COL15A1: variants seen among roughly 807,000 people sequenced by gnomAD.
COL15A1 encodes the protein collagen alpha-1(XV) chain.
In COL15A1, 111 loss-of-function variants were observed where a neutral mutation model predicts 165.9. That is an observed-to-expected ratio of 0.67 (90% CI 0.57 to 0.78). The LOEUF is 0.78. COL15A1 is among the 30% of genes least tolerant of loss of function. The probability of loss-of-function intolerance (pLI) is 0.00; values close to 1 mark genes in which losing one functional copy is unlikely to be tolerated. For missense variants in COL15A1, 1,745 were observed against 1,789.7 expected, an observed-to-expected ratio of 0.98 and a Z score of 0.45; for synonymous variants, 659 against 674.8, an observed-to-expected ratio of 0.98 and a Z score of 0.36.
At chr9:99,056,119 G>A (rs1825716272) in intron 34 of COL15A1, 141 bp from the exon 35 acceptor site, 1 of 918,244 alleles carries the variant, frequency 1.1e-6, no homozygotes, top group African/African-American at 1.6e-5. Flanking sequence ...ACCCCACCTT[G>A]AATTGTGCCC....
intron 9 of COL15A1, among the ~76,000 whole-genome samples, chr9:99,007,648 G>T (rs921073296): frequency 6.6e-6 from 1 of 152,148 alleles, no homozygotes; most frequent in Non-Finnish European, 1.5e-5. Context: ...ATTGATATAG[G>T]TCATATTACT....
At position 99,050,030 on chromosome 9, in the gene COL15A1, C is replaced by T. The variant is rs1839560293; in HGVS notation, c.2904+135C>T. 7.5e-6 allele frequency: 9 copies of T among 1,200,434 alleles called. 1 individual carries two copies. In the East Asian group the frequency reaches 2.1e-4, roughly 29 times the overall value. 74.4% of individuals were successfully genotyped at this position (1,200,434 alleles called of 1,614,324 possible). A position where few individuals can be genotyped will look rare whatever the true frequency, so the allele number is the denominator to read the frequency against. ...TGTCTTCTGTCCCCTAAGTGTAGAC[C>T]CTCAAGTGACTAGAAGCTTTTAGAT... On this transcript the variant is annotated intron_variant, in intron 30 of 41. Coordinates refer to ENST00000375001, the MANE Select transcript of COL15A1 (RefSeq NM_001855.5).
At chr9:99,020,214 G>T (rs926597721) in intron 11 of COL15A1, among the ~76,000 whole-genome samples, 175 bp from the exon 12 acceptor site, 23 of 152,310 alleles carry the variant, frequency 1.5e-4, no homozygotes, top group African/African-American at 4.8e-4. Context: ...CGGTGCAGGG[G>T]ATGGTGCAGT....
chr9:99,015,691 G>A, intron 10 of COL15A1, 125 bp downstream of exon 10: 2 of 921,030 alleles, frequency 2.2e-6, no homozygotes, highest in Admixed American at 2.2e-5. Flanking sequence ...GTCTGGGTGG[G>A]CAGCTGCTGG....
chr9:98,944,387 C>A, intron 2 of COL15A1, 137 bp downstream of exon 2: 1 of 876,168 alleles, frequency 1.1e-6, no homozygotes. Context: ...TGCGCACTGG[C>A]GGTCCCGCGG....
intron 2 of COL15A1, among the ~76,000 whole-genome samples, chr9:98,974,778 T>C (rs1320902898): frequency 6.6e-6 from 1 of 152,012 alleles, no homozygotes; most frequent in Non-Finnish European, 1.5e-5. Flanking sequence ...CTTGCAGGAG[T>C]CACCGTGGCC....
Position 99,066,935 on chromosome 9 carries a change from T to G in COL15A1, c.3705T>G (p.Phe1235Leu). 1.2e-6 allele frequency: 2 copies of G among 1,614,134 alleles called. No homozygotes were observed. The highest frequency in any genetic ancestry group is 2.2e-5 in the East Asian group (1 of 44,878). The part of the protein sequence containing the change: ...MPFSGDIRAD[F>L]QCFKQARAAG... ...TTTCTGGGGACATTCGAGCTGATTTTCAGTGCTTCAAGCAGGCCAGAGCTG... is the reference window on the plus strand; with the variant it reads ...TTTCTGGGGACATTCGAGCTGATTTGCAGTGCTTCAAGCAGGCCAGAGCTG... The change falls in exon 40 of 42, where the codon TTT (phenylalanine) becomes TTG (leucine). Residue 1235 changes from phenylalanine (F) to leucine (L), a missense_variant. Physicochemically the swap from Phe to Leu is conservative, Grantham distance 22. Transcript: ENST00000375001.
intron 2 of COL15A1, among the ~76,000 whole-genome samples, chr9:98,960,117 G>A (rs994705373): frequency 5.3e-5 from 8 of 152,160 alleles, no homozygotes; most frequent in African/African-American, 1.9e-4. Context: ...ATTAGAAACA[G>A]AGTCCCAAGG....
intron 6 of COL15A1, 38 bp downstream of exon 6, chr9:98,997,119 A>C (rs1172721781): frequency 2.9e-5 from 46 of 1,612,166 alleles, no homozygotes; most frequent in Admixed American, 5.0e-5. Context: ...GTGGCCTTTT[A>C]TTGGGTGATT....
At chr9:99,053,617 G>C (rs536639937) in intron 31 of COL15A1, among the ~76,000 whole-genome samples, 6 of 152,238 alleles carry the variant, frequency 3.9e-5, no homozygotes, top group Admixed American at 3.3e-4. Flanking sequence ...CTGTCTGTGG[G>C]CTCAGTGTGG....
At chr9:99,026,765 A>G (rs1187170879) in intron 16 of COL15A1, among the ~76,000 whole-genome samples, 1 of 152,022 alleles carries the variant, frequency 6.6e-6, no homozygotes, top group Non-Finnish European at 1.5e-5. Flanking sequence ...TATGAGCAGA[A>G]AGCACCCCTC....
At chr9:99,061,804 C>T (rs1825819065) in intron 36 of COL15A1, among the ~76,000 whole-genome samples, 167 bp from the exon 37 acceptor site, 1 of 151,996 alleles carries the variant, frequency 6.6e-6, no homozygotes, top group Non-Finnish European at 1.5e-5. Context: ...AGAAGAATGC[C>T]CTTTAGTTAC....
intron 26 of COL15A1, among the ~76,000 whole-genome samples, chr9:99,045,778 T>A (rs1034665418): frequency 6.6e-6 from 1 of 152,246 alleles, no homozygotes; most frequent in Non-Finnish European, 1.5e-5. Flanking sequence ...CAGATGAACC[T>A]CACTGCCTCT....
chr9:99,063,297 G>A (rs1340740671), intron 39 of COL15A1, among the ~76,000 whole-genome samples, 188 bp downstream of exon 39: 2 of 152,096 alleles, frequency 1.3e-5, no homozygotes, highest in African/African-American at 2.4e-5. Context: ...GGGTGCTGGG[G>A]GTATAAGGGA....
intron 40 of COL15A1, among the ~76,000 whole-genome samples, chr9:99,068,106 C>T (rs1272715522): frequency 3.9e-5 from 6 of 152,138 alleles, no homozygotes; most frequent in Non-Finnish European, 8.8e-5. Flanking sequence ...TGAGTTTTCA[C>T]TCTGTCCAGG....
At chr9:98,998,500 C>T (rs1489983101) in intron 6 of COL15A1, among the ~76,000 whole-genome samples, 1 of 152,180 alleles carries the variant, frequency 6.6e-6, no homozygotes, top group Non-Finnish European at 1.5e-5. Context: ...CCCTGCCTAG[C>T]CCCCTATTTG....
chr9:98,973,264 G>C (rs1838090722), intron 2 of COL15A1, among the ~76,000 whole-genome samples: 1 of 152,166 alleles, frequency 6.6e-6, no homozygotes, highest in East Asian at 1.9e-4. Flanking sequence ...GGGAGAGAGA[G>C]AGAGAGAGGG....
Position 99,055,254 on chromosome 9 carries a change from G to A in COL15A1, c.3082-8G>A. The A allele has an allele frequency of 6.2e-7, 1 of 1,603,348 alleles. No individual in the cohort carries two copies. The highest frequency in any genetic ancestry group is 8.5e-7 in the Non-Finnish European group (1 of 1,170,204). ...TTACTGAAATATTCCTGTGTTCTCT[G>A]CTTCCAGGGGGAGAATGGAGACAAG... On this transcript the variant is annotated splice_polypyrimidine_tract_variant and splice_region_variant and intron_variant, in intron 33 of 41. Transcript: ENST00000375001.
intron 2 of COL15A1, among the ~76,000 whole-genome samples, chr9:98,966,335 A>G (rs1837955935): frequency 6.6e-6 from 1 of 152,148 alleles, no homozygotes; most frequent in Non-Finnish European, 1.5e-5. Context: ...TCCCAACCCA[A>G]TGCTGCACCC....
Sources: gnomAD v4.1 joint callset for allele counts (sites outside exome capture counted in the v4.1 genomes callset) on GRCh38, gnomAD v4.1.1 for gene constraint, MANE v1.5 for transcripts, NCBI Gene and HGNC (gene_info 2026-07-23, HGNC 2026-07-21) for gene names.